The following PIWIL2 variants were observed in gnomAD, a reference collection of about 807,000 sequenced individuals.
PIWIL2 encodes piwi-like protein 2.
PIWIL2 carries 81 observed loss-of-function variants against 116.5 expected under a neutral mutation model. That is an observed-to-expected ratio of 0.70 (90% CI 0.58 to 0.84). The LOEUF is 0.84. Among genes scored for constraint, PIWIL2 ranks in the 40% least tolerant of loss-of-function variants. The pLI is 0.00. For missense variants in PIWIL2, 1,272 were observed against 1,212.3 expected (o/e 1.05, Z -0.73); for synonymous variants, 489 against 429.5 (o/e 1.14, Z -1.71).
At chr8:22,327,717 T>C (rs1431949541) in intron 20 of PIWIL2, among the ~76,000 whole-genome samples, 1 of 152,190 alleles carries the variant, frequency 6.6e-6, no homozygotes, top group African/African-American at 2.4e-5. Flanking sequence ...CTTGCGTTTC[T>C]TAATGACCAG....
At chr8:22,285,077 T>C (rs535767059) in intron 6 of PIWIL2, among the ~76,000 whole-genome samples, 3 of 152,256 alleles carry the variant, frequency 2.0e-5, no homozygotes, top group African/African-American at 7.2e-5. Context: ...CTACTTACTG[T>C]TTTTTTGTGG....
intron 20 of PIWIL2, 72 bp downstream of exon 20, chr8:22,318,347 C>G (rs1344408429): frequency 1.2e-6 from 1 of 834,180 alleles, no homozygotes; most frequent in Non-Finnish European, 2.0e-6. Context: ...GACAGAGTCT[C>G]ACTCTTGTCG....
intron 13 of PIWIL2, among the ~76,000 whole-genome samples, chr8:22,306,335 C>T (rs1436887611): frequency 1.3e-5 from 2 of 152,202 alleles, no homozygotes; most frequent in Non-Finnish European, 2.9e-5. Context: ...GTAAACTGGT[C>T]ATATGACCAT....
chr8:22,276,352 G>A (rs894782252), intron 1 of PIWIL2, among the ~76,000 whole-genome samples: 3 of 152,200 alleles, frequency 2.0e-5, no homozygotes, highest in Non-Finnish European at 4.4e-5. Flanking sequence ...GTCTCGCTCC[G>A]TAGCGCAGGC....
chr8:22,289,604 C>CA (rs1830711306), intron 8 of PIWIL2, among the ~76,000 whole-genome samples: 2 of 152,318 alleles, frequency 1.3e-5, no homozygotes, highest in Admixed American at 1.3e-4. Flanking sequence ...GAAACCAACT[C>CA]AGTGTTTGGT....
chr8:22,340,726 C>A (rs574129368), intron 20 of PIWIL2, among the ~76,000 whole-genome samples: 11 of 151,940 alleles, frequency 7.2e-5, no homozygotes, highest in Admixed American at 4.6e-4. Context: ...CTTTTTATTT[C>A]TTTTTTTTCT....
At chr8:22,305,472 G>A (rs867424951) in intron 12 of PIWIL2, among the ~76,000 whole-genome samples, 2 of 152,108 alleles carry the variant, frequency 1.3e-5, no homozygotes, top group African/African-American at 2.4e-5. Flanking sequence ...GATTACAGGC[G>A]TGAGCCACTG....
chr8:22,316,391 A>C, intron 19 of PIWIL2, 58 bp downstream of exon 19: 1 of 980,502 alleles, frequency 1.0e-6, no homozygotes, highest in Non-Finnish European at 1.7e-6. Context: ...GCCTAATCTT[A>C]TTATAAATCC....
chr8:22,314,190 T>G, intron 16 of PIWIL2, 138 bp from the exon 17 acceptor site: 1 of 439,850 alleles, frequency 2.3e-6, no homozygotes, highest in Non-Finnish European at 4.1e-6. Flanking sequence ...GGTTGGAATG[T>G]CCACCCTCTT....
chr8:22,355,394 C>T lies in PIWIL2; in HGVS notation c.2811C>T (p.Thr937=). The T allele has an allele frequency of 6.2e-7, 1 of 1,614,116 alleles. No homozygotes were observed. Among genetic ancestry groups the T allele is most frequent in the South Asian group, 1.1e-5 (1 of 91,080 alleles). The change falls in exon 23 of 23, where the codon ACC becomes ACT. Residue 937 remains threonine, a synonymous_variant. Transcript: ENST00000356766. The part of the protein sequence containing the change: ...LCHMYWNWPG[T]IRVPAPCKYA... ...ACATGTACTGGAATTGGCCTGGCAC[C>T]ATCAGAGTTCCAGCTCCTTGCAAGT...
chr8:22,321,820 C>T, intron 20 of PIWIL2: 1 of 976,090 alleles, frequency 1.0e-6, no homozygotes, highest in South Asian at 4.7e-5. Context: ...TCTGGACTCC[C>T]CATTTTTATT....
In PIWIL2 at chr8:22,348,600, G is replaced by A. The variant is rs190976662; in HGVS notation, c.2404-4359G>A. Among the ~76,000 whole-genome samples, 117 of 151,690 alleles carry A rather than the reference G, an allele frequency of 7.7e-4. 1 individual carries two copies. The highest frequency in any genetic ancestry group is 2.6e-3 in the African/African-American group (107 of 41,352). ...AACCTGGGCAACATATTGAGACTTC[G>A]TCTCTACTATAAATAAAAAAATTAG... On this transcript the variant is annotated intron_variant, in intron 20 of 22. Transcript: ENST00000356766.
intron 10 of PIWIL2, among the ~76,000 whole-genome samples, chr8:22,298,456 T>A (rs1006644426): frequency 2.0e-5 from 3 of 152,156 alleles, no homozygotes; most frequent in African/African-American, 7.2e-5. Context: ...CAAAGGCCTG[T>A]TTGATTATAA....
intron 20 of PIWIL2, among the ~76,000 whole-genome samples, chr8:22,349,051 CTTTTTTT>C (rs35385064): frequency 6.6e-5 from 9 of 136,798 alleles, no homozygotes; most frequent in Admixed American, 2.3e-4. Flanking sequence ...TTTCTTTTTT[CTTTTTTT>C]TTTTTTTTGA....
At chr8:22,336,665 C>T (rs762779331) in intron 20 of PIWIL2, among the ~76,000 whole-genome samples, 3 of 151,954 alleles carry the variant, frequency 2.0e-5, no homozygotes, top group Middle Eastern at 3.2e-3. Context: ...ACAGGTACTC[C>T]GGAGGCTGCA....
chr8:22,347,944 C>A (rs568100487), intron 20 of PIWIL2, among the ~76,000 whole-genome samples: 13 of 152,154 alleles, frequency 8.5e-5, no homozygotes, highest in Non-Finnish European at 8.8e-5. Context: ...ATATTGAGGG[C>A]ATTTATGCGT....
chr8:22,327,922 G>A (rs1563407456), intron 20 of PIWIL2, among the ~76,000 whole-genome samples: 1 of 152,098 alleles, frequency 6.6e-6, no homozygotes, highest in Non-Finnish European at 1.5e-5. Context: ...GCTTGATAAT[G>A]GTCTCTGCTG....
intron 20 of PIWIL2, among the ~76,000 whole-genome samples, chr8:22,336,944 A>G (rs1443625287): frequency 6.6e-6 from 1 of 152,208 alleles, no homozygotes; most frequent in African/African-American, 2.4e-5. Flanking sequence ...ACAGAAATAC[A>G]GGGATTATAA....
intron 20 of PIWIL2, 198 bp from the exon 21 acceptor site, chr8:22,352,761 G>A (rs1832401441): frequency 2.0e-6 from 1 of 511,842 alleles, no homozygotes; most frequent in East Asian, 2.9e-5. Context: ...TGCTGCACCA[G>A]GCGTGTTTTA....
Sources: gnomAD v4.1 joint callset for allele counts (sites outside exome capture counted in the v4.1 genomes callset) on GRCh38, gnomAD v4.1.1 for gene constraint, MANE v1.5 for transcripts, NCBI Gene and HGNC (gene_info 2026-07-23, HGNC 2026-07-21) for gene names.